APPBP2: variants seen among roughly 807,000 people sequenced by gnomAD.
The protein encoded by APPBP2 is amyloid beta precursor protein binding protein 2, also known as amyloid protein-binding protein 2.
APPBP2 carries 15 observed loss-of-function variants against 76.0 expected under a neutral mutation model. The ratio of observed to expected loss-of-function variants is 0.20; its 90% CI spans 0.13 to 0.30. The LOEUF (loss-of-function observed/expected upper bound fraction) is 0.30, where lower values mean the gene tolerates loss of function less well. Among genes scored for constraint, APPBP2 ranks in the 10% least tolerant of loss-of-function variants. APPBP2 has a pLI of 1.00. For synonymous variants in APPBP2, 222 were observed against 242.2 expected (o/e 0.92, Z 0.77); for missense variants, 401 against 687.2 (o/e 0.58, Z 4.66).
intron 1 of APPBP2, among the ~76,000 whole-genome samples, chr17:60,506,759 C>G (rs1023710992): frequency 1.3e-5 from 2 of 152,196 alleles, no homozygotes; most frequent in Non-Finnish European, 1.5e-5. Flanking sequence ...ATTTTCCCCC[C>G]GGGCGCGGTG....
chr17:60,506,944 G>A (rs962954381), intron 1 of APPBP2, among the ~76,000 whole-genome samples: 1 of 152,144 alleles, frequency 6.6e-6, no homozygotes, highest in Non-Finnish European at 1.5e-5. Flanking sequence ...GCTGAGGCAG[G>A]AGAATCTCTT....
intron 1 of APPBP2, among the ~76,000 whole-genome samples, chr17:60,524,908 T>G (rs2143516686): frequency 6.6e-6 from 1 of 152,276 alleles, no homozygotes; most frequent in Middle Eastern, 3.4e-3. Flanking sequence ...CATTCAAATG[T>G]GGGGGAGAGA....
chr17:60,508,322 T>C (rs2090885770), intron 1 of APPBP2, among the ~76,000 whole-genome samples: 1 of 152,218 alleles, frequency 6.6e-6, no homozygotes, highest in Non-Finnish European at 1.5e-5. Context: ...TCTAGCAATA[T>C]GGCACATAGC....
chr17:60,450,670 C>T (rs1598345048), intron 12 of APPBP2, among the ~76,000 whole-genome samples: 1 of 148,838 alleles, frequency 6.7e-6, no homozygotes, highest in African/African-American at 2.5e-5. Flanking sequence ...CCCAGCTACT[C>T]AGGTGGGCTG....
intron 1 of APPBP2, among the ~76,000 whole-genome samples, chr17:60,511,857 C>T (rs1020159225): frequency 2.0e-5 from 3 of 151,860 alleles, no homozygotes; most frequent in African/African-American, 7.2e-5. Context: ...GCTTAATAAA[C>T]TTTAATCCTC....
rs375651282 is a variant in APPBP2, at chr17:60,470,793, ATTTTT to A, written c.504-4339_504-4335del. ...GGTTTCACCATGTTGGCCAGACTGG[ATTTTT>A]TTTTTTTTTTGAGATGGGGTCTTGC... On this transcript the variant is annotated intron_variant, in intron 4 of 12. Coordinates refer to ENST00000083182, the MANE Select transcript of APPBP2 (RefSeq NM_006380.5). Among the ~76,000 whole-genome samples the A allele has an allele frequency of 3.0e-3, 355 of 117,352 alleles. 1 individual carries two copies. Among genetic ancestry groups the A allele is most frequent in the African/African-American group, 0.01 (344 of 33,020 alleles). The allele number at this position is 117,352 out of a possible 152,430, so 77.0% of individuals were successfully genotyped here.
chr17:60,523,885 A>C (rs2091029485), intron 1 of APPBP2, among the ~76,000 whole-genome samples: 1 of 152,200 alleles, frequency 6.6e-6, no homozygotes, highest in Non-Finnish European at 1.5e-5. Flanking sequence ...ACCTTAATTA[A>C]ATTACTTAAC....
intron 1 of APPBP2, among the ~76,000 whole-genome samples, chr17:60,522,667 AC>A (rs2091019478): frequency 6.6e-6 from 1 of 151,852 alleles, no homozygotes. Flanking sequence ...TCTTTCCCCA[AC>A]TCCAATATAA....
chr17:60,487,033 C>T (rs552849334), intron 3 of APPBP2, among the ~76,000 whole-genome samples: 3 of 152,322 alleles, frequency 2.0e-5, no homozygotes, highest in Non-Finnish European at 2.9e-5. Context: ...CCACTCTCTT[C>T]TGGCTTGTAG....
intron 1 of APPBP2, chr17:60,513,464 C>T (rs1345094630): frequency 3.4e-6 from 2 of 592,144 alleles, no homozygotes; most frequent in Non-Finnish European, 6.2e-6. Flanking sequence ...ATAATGCCAA[C>T]AGGGCATTTC....
chr17:60,466,582 A>AT, intron 4 of APPBP2, 123 bp from the exon 5 acceptor site: 1 of 996,756 alleles, frequency 1.0e-6, no homozygotes, highest in Non-Finnish European at 1.5e-6. Flanking sequence ...AGCATTGAAA[A>AT]TAAGTGTGTG....
chr17:60,455,841 G>A (rs112418466), intron 10 of APPBP2, among the ~76,000 whole-genome samples: 6 of 151,876 alleles, frequency 4.0e-5, no homozygotes, highest in South Asian at 4.1e-4. Flanking sequence ...GCAGTGGCAC[G>A]ATCTTGGCTC....
At chr17:60,448,212 G>A (rs1201136372) in intron 12 of APPBP2, among the ~76,000 whole-genome samples, 3 of 152,196 alleles carry the variant, frequency 2.0e-5, no homozygotes, top group Non-Finnish European at 4.4e-5. Flanking sequence ...GGAGGCCAAG[G>A]TGGGTGGATC....
chr17:60,506,808 C>T (rs185357277), intron 1 of APPBP2, among the ~76,000 whole-genome samples: 10 of 152,166 alleles, frequency 6.6e-5, no homozygotes, highest in African/African-American at 2.2e-4. Flanking sequence ...GAGGCCGAGG[C>T]GGGCAGATCA....
chr17:60,474,663 G>A (rs1426256926), intron 4 of APPBP2, among the ~76,000 whole-genome samples: 3 of 152,094 alleles, frequency 2.0e-5, no homozygotes, highest in Non-Finnish European at 2.9e-5. Context: ...TTTTGGATTA[G>A]GAACACTAAA....
intron 1 of APPBP2, among the ~76,000 whole-genome samples, chr17:60,519,399 G>A (rs974433820): frequency 1.3e-5 from 2 of 152,052 alleles, no homozygotes; most frequent in Non-Finnish European, 2.9e-5. Flanking sequence ...TTGAGGCTAA[G>A]GTTCAAGACC....
intron 1 of APPBP2, among the ~76,000 whole-genome samples, chr17:60,519,597 A>G (rs1289925598): frequency 6.6e-6 from 1 of 152,010 alleles, no homozygotes; most frequent in Non-Finnish European, 1.5e-5. Flanking sequence ...CAAGAGTCCA[A>G]GGTTGCAGTG....
intron 1 of APPBP2, among the ~76,000 whole-genome samples, chr17:60,524,598 ACTG>A (rs945589997): frequency 1.4e-5 from 2 of 143,710 alleles, no homozygotes; most frequent in Admixed American, 7.2e-5. Context: ...CAGCCCATCA[ACTG>A]CTAATTCTGA....
At chr17:60,523,589 T>G (rs540697994) in intron 1 of APPBP2, among the ~76,000 whole-genome samples, 1 of 152,242 alleles carries the variant, frequency 6.6e-6, no homozygotes, top group African/African-American at 2.4e-5. Flanking sequence ...AGCTACTCAG[T>G]AGGCTGAGGC....
Sources: allele counts gnomAD v4.1 joint callset (sites outside exome capture counted in the v4.1 genomes callset), GRCh38; gene constraint gnomAD v4.1.1; transcripts MANE v1.5; gene names NCBI Gene and HGNC (gene_info 2026-07-23, HGNC 2026-07-21).